The following TRPM3 variants were observed in gnomAD, a reference collection of about 807,000 sequenced individuals.
The protein encoded by TRPM3 is transient receptor potential cation channel subfamily M member 3.
A neutral mutation model predicts 181.2 loss-of-function variants in TRPM3; 77 were observed. The ratio of observed to expected loss-of-function variants is 0.42; its 90% CI spans 0.35 to 0.51. TRPM3 has a LOEUF of 0.51. Ranked by LOEUF, TRPM3 falls within the 20% of genes least tolerant of loss-of-function variation. TRPM3 has a pLI of 0.01. For missense variants in TRPM3, 1,759 were observed against 2,196.7 expected (o/e 0.80, Z 3.98); for synonymous variants, 745 against 796.4 (o/e 0.94, Z 1.09).
chr9:70,638,890 T>G (rs1025504570), intron 11 of TRPM3, among the ~76,000 whole-genome samples, 170 bp downstream of exon 11: 2 of 152,150 alleles, frequency 1.3e-5, no homozygotes, highest in Non-Finnish European at 2.9e-5. Flanking sequence ...ACAAGCGGAA[T>G]CTTGGTGACT....
intron 1 of TRPM3, among the ~76,000 whole-genome samples, chr9:71,288,769 A>G (rs566769516): frequency 6.6e-6 from 1 of 152,310 alleles, no homozygotes; most frequent in South Asian, 2.1e-4. Context: ...AAAGAAAATC[A>G]AAGAAAAAAG....
At chr9:70,543,554 G>A (rs2044061013) in intron 25 of TRPM3, among the ~76,000 whole-genome samples, 2 of 152,036 alleles carry the variant, frequency 1.3e-5, no homozygotes, top group South Asian at 4.2e-4. Flanking sequence ...GAACTTAATT[G>A]ATTTGATTTT....
chr9:71,348,314 G>A (rs1355565010), intron 1 of TRPM3, among the ~76,000 whole-genome samples: 1 of 151,900 alleles, frequency 6.6e-6, no homozygotes, highest in Non-Finnish European at 1.5e-5. Context: ...TAAATTTTTT[G>A]TGATTGAATA....
intron 1 of TRPM3, among the ~76,000 whole-genome samples, chr9:71,044,199 C>T (rs1166796360): frequency 2.6e-5 from 4 of 152,168 alleles, no homozygotes; most frequent in African/African-American, 7.2e-5. Flanking sequence ...CTCTATTAAT[C>T]TCCAAGTTTG....
In TRPM3 at chr9:71,175,070, G is replaced by A. The variant is rs981600447; in HGVS notation, c.183+271583C>T. 3.9e-5 allele frequency among the ~76,000 whole-genome samples: 6 copies of A among 152,158 alleles called. No individual in the cohort carries two copies. The South Asian group carries it at 6.2e-4, about 16-fold the overall frequency. On this transcript the variant is annotated intron_variant, in intron 1 of 24. Transcript: ENST00000357533. ...AAAAACAAGCTGGGAGGAAGGAAACGACAGATGGAGGTGAACATGACCAGA... is the reference window on the plus strand; with the variant it reads ...AAAAACAAGCTGGGAGGAAGGAAACAACAGATGGAGGTGAACATGACCAGA...
chr9:71,208,005 G>C (rs1199401919), intron 1 of TRPM3, among the ~76,000 whole-genome samples: 1 of 152,044 alleles, frequency 6.6e-6, no homozygotes, highest in Non-Finnish European at 1.5e-5. Context: ...CTCCATTATA[G>C]GAGCAAGGAA....
intron 21 of TRPM3, among the ~76,000 whole-genome samples, chr9:70,594,581 T>C (rs1010638669): frequency 1.3e-5 from 2 of 152,184 alleles, no homozygotes; most frequent in African/African-American, 4.8e-5. Context: ...GGAGTCAGGA[T>C]TTTGTTAAGT....
At chr9:70,640,494 G>T in intron 10 of TRPM3, 66 bp downstream of exon 10, 2 of 1,264,710 alleles carry the variant, frequency 1.6e-6, no homozygotes, top group Non-Finnish European at 2.3e-6. Flanking sequence ...GACCTCAGAG[G>T]CTCCTTAAAC....
At chr9:70,611,645 T>A (rs1339900) in intron 18 of TRPM3, among the ~76,000 whole-genome samples, 150,482 of 152,316 alleles carry the variant, frequency 0.99, 74,352 homozygotes, top group East Asian at 1. Flanking sequence ...AGTTAGCGAC[T>A]TCTCCCTGAC....
At chr9:71,293,162 A>G (rs574251884) in intron 1 of TRPM3, among the ~76,000 whole-genome samples, 1 of 151,158 alleles carries the variant, frequency 6.6e-6, no homozygotes, top group Non-Finnish European at 1.5e-5. Context: ...GATAAAGGGT[A>G]TCTACAAAAA....
At chr9:71,078,431 G>A (rs1028952549) in intron 1 of TRPM3, among the ~76,000 whole-genome samples, 1 of 152,088 alleles carries the variant, frequency 6.6e-6, no homozygotes, top group African/African-American at 2.4e-5. Flanking sequence ...AATAGTAATT[G>A]CTTCTTGGGA....
chr9:70,631,360 CCTT>C (rs1402240793), intron 12 of TRPM3, among the ~76,000 whole-genome samples: 2 of 127,222 alleles, frequency 1.6e-5, no homozygotes, highest in Non-Finnish European at 3.2e-5. Flanking sequence ...GTCTGAAATG[CCTT>C]TTTTTTTTTT....
At chr9:71,197,629 G>A (rs2078472546) in intron 1 of TRPM3, among the ~76,000 whole-genome samples, 1 of 152,090 alleles carries the variant, frequency 6.6e-6, no homozygotes, top group Admixed American at 6.6e-5. Context: ...CAGTGATGGT[G>A]AGCATTTTTT....
intron 1 of TRPM3, among the ~76,000 whole-genome samples, chr9:71,116,554 T>G (rs2072428854): frequency 6.6e-6 from 1 of 152,212 alleles, no homozygotes; most frequent in African/African-American, 2.4e-5. Context: ...ACATTGGTTA[T>G]CATTATATGG....
chr9:71,222,989 T>C lies in TRPM3; in HGVS notation c.183+223664A>G, dbSNP rs557683231. Among the ~76,000 whole-genome samples the C allele has an allele frequency of 4.6e-5, 7 of 152,236 alleles. No homozygotes were observed. The East Asian group carries it at 1.4e-3, about 29-fold the overall frequency. Reference sequence around the variant, plus strand: ...ACTAGGCCACAAAGGCTGCAACTTCTTGGCAAGACCTAGTGCTGAACTGGG... The same window carrying C: ...ACTAGGCCACAAAGGCTGCAACTTCCTGGCAAGACCTAGTGCTGAACTGGG... On this transcript the variant is annotated intron_variant, in intron 1 of 24. Coordinates refer to the TRPM3 transcript ENST00000357533.
chr9:71,321,553 G>A (rs946826556), intron 1 of TRPM3, among the ~76,000 whole-genome samples: 8 of 152,090 alleles, frequency 5.3e-5, no homozygotes, highest in Non-Finnish European at 1.0e-4. Context: ...AATATAAGAT[G>A]TAAGAAACAA....
At chr9:70,907,403 G>A (rs1007311740) in intron 1 of TRPM3, among the ~76,000 whole-genome samples, 5 of 152,272 alleles carry the variant, frequency 3.3e-5, no homozygotes, top group Middle Eastern at 3.4e-3. Context: ...AAATGTCTCC[G>A]AAGTAAGTGC....
At chr9:71,245,146 G>A (rs2081958908) in intron 1 of TRPM3, among the ~76,000 whole-genome samples, 1 of 151,978 alleles carries the variant, frequency 6.6e-6, no homozygotes, top group South Asian at 2.1e-4. Flanking sequence ...AGATCAAGGA[G>A]GAGTATAAAT....
chr9:70,775,697 C>T (rs1396566483), intron 7 of TRPM3: 1 of 152,108 alleles, frequency 6.6e-6, no homozygotes, highest in Non-Finnish European at 1.5e-5. Flanking sequence ...AGCATAGCAT[C>T]GCCTAAGTAT....
Sources: gnomAD v4.1 joint callset for allele counts (sites outside exome capture counted in the v4.1 genomes callset) on GRCh38, gnomAD v4.1.1 for gene constraint, MANE v1.5 for transcripts, NCBI Gene and HGNC (gene_info 2026-07-23, HGNC 2026-07-21) for gene names.